The following FBXO4 variants were observed in gnomAD, a reference collection of about 807,000 sequenced individuals.
The protein encoded by FBXO4 is F-box only protein 4.
A neutral mutation model predicts 43.7 loss-of-function variants in FBXO4; 36 were observed. That is an observed-to-expected ratio of 0.82 (90% CI 0.63 to 1.09). FBXO4 has a LOEUF of 1.09. Ranked by LOEUF, FBXO4 falls within the 50% of genes least tolerant of loss-of-function variation. The pLI is 0.00. For missense variants in FBXO4, 435 were observed against 474.1 expected (o/e 0.92, Z 0.77); for synonymous variants, 180 against 165.6 (o/e 1.09, Z -0.67).
the FBXO4 span, among the ~76,000 whole-genome samples, chr5:42,022,025 A>T: frequency 1.3e-5 from 2 of 152,166 alleles, no homozygotes; most frequent in Admixed American, 1.3e-4. Flanking sequence ...GGTCTGGGTT[A>T]ATTTTGGAAA....
the FBXO4 span, among the ~76,000 whole-genome samples, chr5:41,946,842 T>C: frequency 6.6e-6 from 1 of 152,200 alleles, no homozygotes; most frequent in Non-Finnish European, 1.5e-5. Flanking sequence ...GCTTTCTTCA[T>C]TTACTGTCAA....
chr5:41,981,072 G>A, the FBXO4 span, among the ~76,000 whole-genome samples: 3 of 151,766 alleles, frequency 2.0e-5, no homozygotes, highest in East Asian at 3.8e-4. Flanking sequence ...TTTCAATTCT[G>A]TAATTTTTAT....
At chr5:42,004,538 A>T in the FBXO4 span, among the ~76,000 whole-genome samples, 1 of 152,288 alleles carries the variant, frequency 6.6e-6, no homozygotes, top group African/African-American at 2.4e-5. Flanking sequence ...ATAGAATAAT[A>T]CATGTAAGTT....
At chr5:41,952,289 A>C in the FBXO4 span, 1 of 152,182 alleles carries the variant, frequency 6.6e-6, no homozygotes, top group African/African-American at 2.4e-5. Context: ...TAAACTGAAA[A>C]TTTAGTATAT....
chr5:41,949,546 G>A, the FBXO4 span, among the ~76,000 whole-genome samples: 39 of 151,558 alleles, frequency 2.6e-4, no homozygotes, highest in Admixed American at 5.2e-4. Context: ...TACAAACCAC[G>A]GCTCAAGGAA....
the FBXO4 span, among the ~76,000 whole-genome samples, chr5:42,039,211 C>CT: frequency 6.6e-6 from 1 of 152,078 alleles, no homozygotes. Context: ...ACAACTTGTG[C>CT]TTTTTTGTGA....
At chr5:41,931,180 AG>A (rs1751676825) in intron 3 of FBXO4, among the ~76,000 whole-genome samples, 1 of 152,244 alleles carries the variant, frequency 6.6e-6, no homozygotes, top group South Asian at 2.1e-4. Flanking sequence ...AAGGGGCTAA[AG>A]ATATGGAGAC....
the FBXO4 span, among the ~76,000 whole-genome samples, chr5:41,956,914 G>T: frequency 1.3e-5 from 2 of 151,514 alleles, no homozygotes; most frequent in Non-Finnish European, 2.9e-5. Flanking sequence ...GTTTCACCAT[G>T]TTGGCCAGGC....
chr5:41,983,110 G>A, the FBXO4 span, among the ~76,000 whole-genome samples: 1 of 152,022 alleles, frequency 6.6e-6, no homozygotes, highest in South Asian at 2.1e-4. Context: ...TCTTTCTCCA[G>A]TCTATCATTG....
At chr5:42,009,544 A>T in the FBXO4 span, among the ~76,000 whole-genome samples, 1 of 152,124 alleles carries the variant, frequency 6.6e-6, no homozygotes, top group Non-Finnish European at 1.5e-5. Flanking sequence ...CTGAATCACA[A>T]TGGGCTAAGT....
chr5:41,942,181 G>A (rs1281236284), downstream of FBXO4, among the ~76,000 whole-genome samples: 1 of 151,938 alleles, frequency 6.6e-6, no homozygotes, highest in Non-Finnish European at 1.5e-5. Flanking sequence ...TGCTATTACT[G>A]TTTTAACCTT....
the FBXO4 span, among the ~76,000 whole-genome samples, chr5:41,977,545 A>G: frequency 6.6e-6 from 1 of 152,220 alleles, no homozygotes; most frequent in African/African-American, 2.4e-5. Flanking sequence ...ACACAAGGCA[A>G]CCAAGATCTT....
rs1171272371 is a variant in FBXO4 at position 41,941,552 on chromosome 5, T to C, written c.*271T>C. 1 of 214,140 alleles carries C rather than the reference T, an allele frequency of 4.7e-6. No homozygotes were observed. Among genetic ancestry groups the C allele is most frequent in the Non-Finnish European group, 9.4e-6 (1 of 106,024 alleles). 13.3% of individuals were successfully genotyped at this position (214,140 alleles called of 1,614,324 possible). ...ATATTTTCTGTCTTTTTAAAAATAT[T>C]AAATTCTGGAAAAAACAAGTTTGTG... On this transcript the variant is annotated 3_prime_UTR_variant, in exon 7 of 7. Coordinates refer to ENST00000281623, the MANE Select transcript of FBXO4 (RefSeq NM_012176.3).
the FBXO4 span, among the ~76,000 whole-genome samples, chr5:41,984,636 T>G: frequency 6.6e-6 from 1 of 152,212 alleles, no homozygotes; most frequent in Non-Finnish European, 1.5e-5. Flanking sequence ...ACAGATCTCA[T>G]TCCTCATTTG....
the FBXO4 span, among the ~76,000 whole-genome samples, chr5:42,035,684 T>G: frequency 6.6e-6 from 1 of 152,074 alleles, no homozygotes; most frequent in Non-Finnish European, 1.5e-5. Flanking sequence ...AAAATCGTGT[T>G]CCATGAGAAA....
chr5:41,951,497 G>T, the FBXO4 span: 1 of 248,138 alleles, frequency 4.0e-6, no homozygotes, highest in South Asian at 5.0e-5. Flanking sequence ...GAACTCAGGT[G>T]CTGAAGAAGT....
the FBXO4 span, among the ~76,000 whole-genome samples, chr5:42,035,496 G>C: frequency 6.6e-6 from 1 of 152,036 alleles, no homozygotes; most frequent in African/African-American, 2.4e-5. Flanking sequence ...TCTCATAGTT[G>C]CAGGTACAAG....
chr5:41,994,929 G>A, the FBXO4 span, among the ~76,000 whole-genome samples: 2 of 151,992 alleles, frequency 1.3e-5, no homozygotes, highest in African/African-American at 4.8e-5. Flanking sequence ...TTGATTCCTG[G>A]GCCCATGAAT....
the FBXO4 span, among the ~76,000 whole-genome samples, chr5:41,960,430 A>G: frequency 5.9e-5 from 9 of 151,990 alleles, no homozygotes; most frequent in African/African-American, 2.2e-4. Flanking sequence ...CTTACTTCTG[A>G]TCTTAGAGGA....
Sources: allele counts gnomAD v4.1 joint callset (sites outside exome capture counted in the v4.1 genomes callset), GRCh38; gene constraint gnomAD v4.1.1; transcripts MANE v1.5; gene names NCBI Gene and HGNC (gene_info 2026-07-23, HGNC 2026-07-21).